The following RAD51B variants were observed in gnomAD, a reference collection of about 807,000 sequenced individuals.
RAD51B encodes the protein DNA repair protein RAD51 homolog 2.
A neutral mutation model predicts 42.2 loss-of-function variants in RAD51B; 38 were observed. That is an observed-to-expected ratio of 0.90 (90% confidence interval 0.70 to 1.18). The LOEUF is 1.18. RAD51B is among the 50% of genes most tolerant of loss of function. The pLI, the probability that RAD51B is intolerant of heterozygous loss-of-function variation, is 0.00. For synonymous variants in RAD51B, 154 were observed against 145.2 expected (o/e 1.06, Z -0.43); for missense variants, 373 against 400.7 (o/e 0.93, Z 0.59).
At chr14:68,309,499 G>A (rs1334806203) in intron 8 of RAD51B, among the ~76,000 whole-genome samples, 1 of 152,088 alleles carries the variant, frequency 6.6e-6, no homozygotes, top group Non-Finnish European at 1.5e-5. Context: ...AAAGTGAAGG[G>A]CAAAGGAAGA....
chr14:68,420,435 G>T (rs899793930), intron 9 of RAD51B, among the ~76,000 whole-genome samples: 9 of 150,140 alleles, frequency 6.0e-5, no homozygotes, highest in Non-Finnish European at 1.0e-4. Flanking sequence ...ATTTTTATGG[G>T]TTTTTTTTTT....
chr14:67,973,413 G>GCA (rs1214321062), intron 7 of RAD51B, among the ~76,000 whole-genome samples: 2 of 152,012 alleles, frequency 1.3e-5, no homozygotes, highest in African/African-American at 2.4e-5. Context: ...CCATCAGACA[G>GCA]CACACACACA....
intron 9 of RAD51B, among the ~76,000 whole-genome samples, chr14:68,449,505 A>G (rs1332597847): frequency 1.3e-5 from 2 of 152,116 alleles, no homozygotes; most frequent in African/African-American, 4.8e-5. Context: ...AAAGGGGTGG[A>G]TGGCTCAGAA....
At position 68,014,323 on chromosome 14, in the gene RAD51B, G is replaced by A. The variant is rs191801543; in HGVS notation, c.756+127119G>A. On this transcript the variant is annotated intron_variant, in intron 7 of 10. Coordinates refer to ENST00000471583, the MANE Select transcript of RAD51B (RefSeq NM_133510.4). ...CTGCTTTGGAGATTTATCAGTCTCT[G>A]AGCAAGTTGCTTTGAAGCATTTCAG... Among the ~76,000 whole-genome samples the A allele has an allele frequency of 2.3e-3, 344 of 151,622 alleles. 2 individuals are homozygous for A. Among genetic ancestry groups the A allele is most frequent in the Non-Finnish European group, 3.7e-3 (249 of 67,956 alleles).
intron 10 of RAD51B, among the ~76,000 whole-genome samples, chr14:68,508,424 G>A (rs1885491879): frequency 6.6e-6 from 1 of 152,192 alleles, no homozygotes; most frequent in Non-Finnish European, 1.5e-5. Flanking sequence ...GTGAGGTACA[G>A]GCCACTCGCT....
intron 10 of RAD51B, chr14:68,497,017 T>C: frequency 1.8e-6 from 2 of 1,122,402 alleles, no homozygotes; most frequent in African/African-American, 1.6e-5. Flanking sequence ...TGAACTTTTT[T>C]CCCCATAACT....
At chr14:67,948,400 G>A (rs17104796) in intron 7 of RAD51B, among the ~76,000 whole-genome samples, 10,787 of 152,188 alleles carry the variant, frequency 0.071, 943 homozygotes, top group African/African-American at 0.21. Flanking sequence ...AGGAATTGGG[G>A]TCTGGAGATA....
At chr14:68,481,575 C>T (rs1318354988), downstream of RAD51B, among the ~76,000 whole-genome samples, 1 of 152,218 alleles carries the variant, frequency 6.6e-6, no homozygotes, top group African/African-American at 2.4e-5. Flanking sequence ...GTCTGACACA[C>T]ACTTTACATA....
intron 9 of RAD51B, among the ~76,000 whole-genome samples, chr14:68,445,410 C>G (rs958888184): frequency 2.0e-5 from 3 of 152,200 alleles, no homozygotes; most frequent in Non-Finnish European, 4.4e-5. Flanking sequence ...TAGCATTCAT[C>G]AAGTACTTGA....
chr14:68,406,945 G>A (rs1018330849), intron 8 of RAD51B, among the ~76,000 whole-genome samples: 2 of 151,974 alleles, frequency 1.3e-5, no homozygotes, highest in Non-Finnish European at 2.9e-5. Flanking sequence ...TCTTCCACCC[G>A]CCCATCTTGT....
intron 7 of RAD51B, among the ~76,000 whole-genome samples, chr14:67,929,842 G>A (rs2044661422): frequency 6.6e-6 from 1 of 151,158 alleles, no homozygotes; most frequent in Non-Finnish European, 1.5e-5. Flanking sequence ...AAGAAATGGG[G>A]TCTCAATATG....
chr14:67,976,896 G>A (rs373880225), intron 7 of RAD51B, among the ~76,000 whole-genome samples: 2 of 152,224 alleles, frequency 1.3e-5, no homozygotes, highest in African/African-American at 4.8e-5. Context: ...TCATCAACAA[G>A]TGGGCGAAGG....
intron 11 of RAD51B, among the ~76,000 whole-genome samples, chr14:68,658,527 CCTT>C (rs1892866808): frequency 6.6e-6 from 1 of 152,192 alleles, no homozygotes; most frequent in African/African-American, 2.4e-5. Context: ...CCCCATCACC[CCTT>C]CATCTCATCT....
chr14:67,976,869 G>GA (rs1379327323), intron 7 of RAD51B, among the ~76,000 whole-genome samples: 31 of 151,984 alleles, frequency 2.0e-4, no homozygotes, highest in African/African-American at 7.2e-4. Flanking sequence ...AAATTTACAA[G>GA]AAAAAAACAA....
chr14:68,297,347 C>A (rs1006624766), intron 8 of RAD51B, among the ~76,000 whole-genome samples: 1 of 152,300 alleles, frequency 6.6e-6, no homozygotes, highest in African/African-American at 2.4e-5. Flanking sequence ...TCAATGGTTT[C>A]TTTCATTTCC....
At chr14:68,596,075 A>G, downstream of RAD51B, 1 of 1,030,658 alleles carries the variant, frequency 9.7e-7, no homozygotes, top group Non-Finnish European at 1.2e-6. Flanking sequence ...TTCTTATCCC[A>G]TGTCTATTCT....
chr14:68,595,392 G>A, exon 11 of RAD51B: 3 of 1,066,402 alleles, frequency 2.8e-6, no homozygotes, highest in Non-Finnish European at 3.4e-6. Flanking sequence ...CTGAAATAAT[G>A]CATCCATGAA....
intron 7 of RAD51B, among the ~76,000 whole-genome samples, chr14:68,283,366 T>G (rs1322026644): frequency 6.6e-6 from 1 of 152,190 alleles, no homozygotes; most frequent in African/African-American, 2.4e-5. Context: ...ACACGTACAG[T>G]GCAGCAGAAG....
At chr14:68,145,208 C>T (rs1427164048) in intron 7 of RAD51B, among the ~76,000 whole-genome samples, 1 of 152,144 alleles carries the variant, frequency 6.6e-6, no homozygotes, top group East Asian at 1.9e-4. Flanking sequence ...GTCTTCTGAC[C>T]CATTGTCTAG....
Sources: allele counts gnomAD v4.1 joint callset (sites outside exome capture counted in the v4.1 genomes callset), GRCh38; gene constraint gnomAD v4.1.1; transcripts MANE v1.5; gene names NCBI Gene and HGNC (gene_info 2026-07-23, HGNC 2026-07-21).